The following ARSA variants were observed in gnomAD, a reference collection of about 807,000 sequenced individuals.
The protein encoded by ARSA is cerebroside-sulfatase.
ARSA carries 32 observed loss-of-function variants against 37.8 expected under a neutral mutation model. The ratio of observed to expected loss-of-function variants is 0.85; its 90% CI spans 0.64 to 1.14. The LOEUF is 1.14. ARSA is among the 50% of genes most tolerant of loss of function. The probability of loss-of-function intolerance (pLI) is 0.00; values close to 1 mark genes in which losing one functional copy is unlikely to be tolerated. For missense variants in ARSA, 685 were observed against 686.3 expected, an observed-to-expected ratio of 1.00 and a Z score of 0.02; for synonymous variants, 303 against 303.4, an observed-to-expected ratio of 1.00 and a Z score of 0.01.
At position 50,625,394 on chromosome 22, in the gene ARSA, G is replaced by A; in HGVS notation, c.1281C>T (p.Pro427=). 2 of 1,599,778 alleles carry A rather than the reference G, an allele frequency of 1.3e-6. No individual in the cohort carries two copies. The highest frequency in any genetic ancestry group is 1.7e-6 in the Non-Finnish European group (2 of 1,170,680). ...CCTTGGACAGGTCATAGAGCAGCGG[G>A]GGCTCATGAGCAGTCAGAGAGCTGG... ...HASSSLTAHE[P]PLLYDLSKDP... is the part of the protein sequence containing the mutation. Residue 427 remains proline, a synonymous_variant, in exon 8 of 8, where the codon CCC becomes CCT. Transcript: ENST00000216124.
chr22:50,627,105 C>T, intron 2 of ARSA, 53 bp from the exon 3 acceptor site: 1 of 1,593,312 alleles, frequency 6.3e-7, no homozygotes, highest in Non-Finnish European at 8.6e-7. Flanking sequence ...GCTGCGGGAG[C>T]ATCAAGGGCT....
chr22:50,626,306 A>T, intron 4 of ARSA, 28 bp from the exon 5 acceptor site: 1 of 1,606,574 alleles, frequency 6.2e-7, no homozygotes, highest in East Asian at 2.2e-5. Flanking sequence ...CTCATGAGCC[A>T]TGGAGCCACA....
In ARSA at chr22:50,628,014, T is replaced by C; in HGVS notation, c.-235A>G. On this transcript the variant is annotated 5_prime_UTR_variant, in exon 1 of 8. Transcript: ENST00000216124. ...ACCTTCAGATTCTCGAGCGGAGATC[T>C]GATCCTCCTCGCCTAGCGGTCCGGG... The C allele has an allele frequency of 3.6e-6, 2 of 557,792 alleles. No homozygotes were observed. The highest frequency in any genetic ancestry group is 1.9e-5 in the African/African-American group (1 of 52,866). The allele number at this position is 557,792 out of a possible 1,614,324, so 34.6% of individuals were successfully genotyped here. A position where few individuals can be genotyped will look rare whatever the true frequency, so the allele number is the denominator to read the frequency against.
In ARSA at chr22:50,626,885, C is replaced by T. The variant is rs773059458; in HGVS notation, c.633G>A (p.Met211Ile). 2.5e-6 allele frequency: 4 copies of T among 1,613,486 alleles called. No individual in the cohort carries two copies. The highest frequency in any genetic ancestry group is 3.4e-6 in the Non-Finnish European group (4 of 1,179,900). ...GGCGATCCTGGCGCTGGGCGTCGGC[C>T]ATGAGGTCATGGGCGAAAGCCATGT... ...ARYMAFAHDLMADAQRQDRPF... is the reference protein window; with the variant it reads ...ARYMAFAHDLIADAQRQDRPF... The change falls in exon 3 of 8, where the codon ATG (methionine) becomes ATA (isoleucine). Residue 211 changes from methionine (M) to isoleucine (I), a missense_variant. Physicochemically the swap from Met to Ile is conservative, Grantham distance 10 (BLOSUM62 1). Coordinates refer to ENST00000216124, the MANE Select transcript of ARSA (RefSeq NM_000487.6).
chr22:50,623,898 C>CAAAAAAAAAAAAAAAAAAAAAA lies in ARSA; in HGVS notation c.*1225_*1246dup, dbSNP rs131716. The CAAAAAAAAAAAAAAAAAAAAAA allele has an allele frequency of 1.4e-5, 2 of 141,748 alleles. No individual in the cohort carries two copies. Among genetic ancestry groups the CAAAAAAAAAAAAAAAAAAAAAA allele is most frequent in the African/African-American group, 2.6e-5 (1 of 37,982 alleles). The allele number at this position is 141,748 out of a possible 1,614,324, so 8.8% of individuals were successfully genotyped here. On this transcript the variant is annotated 3_prime_UTR_variant, in exon 8 of 8. Transcript: ENST00000216124. ...TGGGCGACAGAGCGAGACTCCGTCTCAAAAAAAAAAAAAAAAAAAAAAAAA... is the reference window on the plus strand; with the variant it reads ...TGGGCGACAGAGCGAGACTCCGTCTCAAAAAAAAAAAAAAAAAAAAAAAAAAAAAAAAAAAAAAAAAAAAAAA...
In ARSA at chr22:50,627,277, G is replaced by A; in HGVS notation, c.354C>T (p.Tyr118=). Residue 118 remains tyrosine, a synonymous_variant, in exon 2 of 8, where the codon TAC becomes TAT. Transcript: ENST00000216124. The part of the protein sequence containing the change: ...TVAEVLAARG[Y]LTGMAGKWHL... ...GCCACTTGCCGGCCATTCCTGTGAG[G>A]TAGCCTCGGGCAGCCAGGACTTCGG... 1.3e-6 allele frequency: 2 copies of A among 1,594,620 alleles called. No individual in the cohort carries two copies. The highest frequency in any genetic ancestry group is 1.7e-6 in the Non-Finnish European group (2 of 1,171,532).
At position 50,624,959 on chromosome 22, in the gene ARSA, C is replaced by T; in HGVS notation, c.*186G>A. Reference sequence around the variant, plus strand: ...CTGAACCTCTCTGCACCTCAGTTTCCTCATTCGTACCACAGGGGACCGGCA... The same window carrying T: ...CTGAACCTCTCTGCACCTCAGTTTCTTCATTCGTACCACAGGGGACCGGCA... On this transcript the variant is annotated 3_prime_UTR_variant, in exon 8 of 8. Coordinates refer to ENST00000216124, the MANE Select transcript of ARSA (RefSeq NM_000487.6). 1 of 713,658 alleles carries T rather than the reference C, an allele frequency of 1.4e-6. No individual in the cohort carries two copies. The highest frequency in any genetic ancestry group is 2.2e-6 in the Non-Finnish European group (1 of 451,284). 44.2% of individuals were successfully genotyped at this position (713,658 alleles called of 1,614,324 possible).
rs997955935 is a variant in ARSA at position 50,624,905 on chromosome 22, C to T, written c.*240G>A. On this transcript the variant is annotated 3_prime_UTR_variant, in exon 8 of 8. Coordinates refer to ENST00000216124, the MANE Select transcript of ARSA (RefSeq NM_000487.6). ...CAGGGTTCAAATCCCAGCCCAACCTCTTTCTGGCTGGGTGATCTTGTACAA... is the reference window on the plus strand; with the variant it reads ...CAGGGTTCAAATCCCAGCCCAACCTTTTTCTGGCTGGGTGATCTTGTACAA... 1.8e-6 allele frequency: 1 copy of T among 545,794 alleles called. No individual in the cohort carries two copies. The highest frequency in any genetic ancestry group is 2.8e-5 in the South Asian group (1 of 36,330). 33.8% of individuals were successfully genotyped at this position (545,794 alleles called of 1,614,324 possible).
chr22:50,625,225 C>T lies in ARSA; in HGVS notation c.1450G>A (p.Asp484Asn). 1 of 1,609,496 alleles carries T rather than the reference C, an allele frequency of 6.2e-7. No individual in the cohort carries two copies. Among genetic ancestry groups the T allele is most frequent in the Non-Finnish European group, 8.5e-7 (1 of 1,177,912 alleles). Reference protein sequence around the residue: ...FGPSQVARGEDPALQICCHPG... With the variant: ...FGPSQVARGENPALQICCHPG... ...TGACAGCAGATCTGCAGGGCGGGGT[C>T]CTCGCCCCGGGCCACCTGGCTGGGG... The change falls in exon 8 of 8, where the codon GAC (aspartate) becomes AAC (asparagine). Residue 484 changes from aspartate to asparagine, a missense_variant. By Grantham distance (23) the Asp-to-Asn change is conservative (BLOSUM62 1). Transcript: ENST00000216124.
intron 6 of ARSA, 31 bp from the exon 7 acceptor site, chr22:50,625,712 G>A (rs781350765): frequency 2.1e-5 from 33 of 1,604,060 alleles, no homozygotes; most frequent in African/African-American, 2.7e-5. Context: ...CACGGGGCGG[G>A]GCAGGCCCCA....
At position 50,622,851 on chromosome 22, in the gene ARSA, C is replaced by T. The variant is rs1273771722; in HGVS notation, c.*2294G>A. 3 of 152,224 alleles carry T rather than the reference C, an allele frequency of 2.0e-5. No homozygotes were observed. The highest frequency in any genetic ancestry group is 4.4e-5 in the Non-Finnish European group (3 of 68,092). 9.4% of individuals were successfully genotyped at this position (152,224 alleles called of 1,614,324 possible). ...GCAGCTGCCCAGTGTCCAATCAGGG[C>T]CTGTGACGGCTGCGCAAGGTCCTCA... On this transcript the variant is annotated 3_prime_UTR_variant, in exon 8 of 8. Coordinates refer to ENST00000216124, the MANE Select transcript of ARSA (RefSeq NM_000487.6).
rs199476354 is a variant in ARSA, at chr22:50,626,760, G to A, written c.685C>T (p.His229Tyr). 2.5e-6 allele frequency: 4 copies of A among 1,612,620 alleles called. No individual in the cohort carries two copies. The highest frequency in any genetic ancestry group is 3.4e-6 in the Non-Finnish European group (4 of 1,178,974). Reference protein sequence around the residue: ...RPFFLYYASHHTHYPQFSGQS... With the variant: ...RPFFLYYASHYTHYPQFSGQS... ...CCACTGAACTGAGGGTAGTGGGTGT[G>A]CTGGGGGCAAAGACTGGAGTTAGCA... The change falls in exon 4 of 8, where the codon CAC becomes TAC. Residue 229 changes from histidine (H) to tyrosine (Y), a missense_variant and splice_region_variant. Physicochemically the swap from His to Tyr is moderately conservative, Grantham distance 83 (BLOSUM62 2). Coordinates refer to ENST00000216124, the MANE Select transcript of ARSA (RefSeq NM_000487.6).
In ARSA at chr22:50,627,292, C is replaced by T. The variant is rs755790890; in HGVS notation, c.339G>A (p.Leu113=). 3 of 1,589,998 alleles carry T rather than the reference C, an allele frequency of 1.9e-6. No individual in the cohort carries two copies. Among genetic ancestry groups the T allele is most frequent in the African/African-American group, 2.7e-5 (2 of 74,508 alleles). ...TTCCTGTGAGGTAGCCTCGGGCAGC[C>T]AGGACTTCGGCCACGGTCACCTCCT... is the stretch of plus-strand genomic sequence containing the variant. The part of the protein sequence containing the change: ...PLEEVTVAEV[L]AARGYLTGMA... Residue 113 remains leucine, a synonymous_variant, in exon 2 of 8, where the codon CTG becomes CTA. Coordinates refer to ENST00000216124, the MANE Select transcript of ARSA (RefSeq NM_000487.6).
chr22:50,625,558 G>A (rs747030880), intron 7 of ARSA, 21 bp downstream of exon 7: 2 of 1,610,582 alleles, frequency 1.2e-6, no homozygotes, highest in South Asian at 2.2e-5. Flanking sequence ...TCGGGGGGAG[G>A]GATCCACGGG....
chr22:50,627,489 CCTGCAATCCATTGGG>C, intron 1 of ARSA, 52 bp downstream of exon 1: 3 of 1,587,850 alleles, frequency 1.9e-6, no homozygotes, highest in Non-Finnish European at 2.6e-6. Context: ...TTCCCGCCCC[CCTGCAATCCATTGGG>C]AGGAAAGGGA....
In ARSA at chr22:50,627,212, TG is replaced by T. The variant is rs745884435; in HGVS notation, c.418del (p.His140IlefsTer8). The T allele has an allele frequency of 1.9e-6, 3 of 1,612,168 alleles. No homozygotes were observed. Among genetic ancestry groups the T allele is most frequent in the Non-Finnish European group, 2.5e-6 (3 of 1,179,388 alleles). On this transcript the variant is annotated frameshift_variant, in exon 2 of 8. Coordinates refer to ENST00000216124, the MANE Select transcript of ARSA (RefSeq NM_000487.6). LOFTEE classifies it high-confidence loss of function. Reference sequence around the variant, plus strand: ...GCCTAGAAATCGATGGAAGCCCTGATGGGGGGGCAGGAAGGCCCCCTCAGGC... The same window carrying T: ...GCCTAGAAATCGATGGAAGCCCTGATGGGGGGCAGGAAGGCCCCCTCAGGC... ...VGPEGAFLPP[H>X]QGFHRFLGIP...
chr22:50,623,313 A>T lies in ARSA; in HGVS notation c.*1832T>A, dbSNP rs1392797332. 4 of 152,218 alleles carry T rather than the reference A, an allele frequency of 2.6e-5. No individual in the cohort carries two copies. Among genetic ancestry groups the T allele is most frequent in the Non-Finnish European group, 5.9e-5 (4 of 68,074 alleles). The allele number at this position is 152,218 out of a possible 1,614,324, so 9.4% of individuals were successfully genotyped here. ...AAGGGAACAGCCAGGCCACCCCCTA[A>T]GACTGGGGGGAAGGGGGTGTGGGTG... On this transcript the variant is annotated 3_prime_UTR_variant, in exon 8 of 8. Transcript: ENST00000216124.
rs74315459 is a variant in ARSA, at chr22:50,626,202, C to A, written c.931G>T (p.Gly311Cys). 1 of 1,611,886 alleles carries A rather than the reference C, an allele frequency of 6.2e-7. No homozygotes were observed. The highest frequency in any genetic ancestry group is 8.5e-7 in the Non-Finnish European group (1 of 1,179,408). ...RCGKGTTYEG[G>C]VREPALAFWP... ...AAGGCCAAGGCAGGCTCTCGGACAC[C>A]GCCCTCGTAGGTCGTTCCCTTTCCA... The change falls in exon 5 of 8, where the codon GGT (glycine) becomes TGT (cysteine). Residue 311 changes from glycine (G) to cysteine (C), a missense_variant. Transcript: ENST00000216124.
At chr22:50,626,345 G>T (rs2082668273) in intron 4 of ARSA, 67 bp from the exon 5 acceptor site, 2 of 1,589,632 alleles carry the variant, frequency 1.3e-6, no homozygotes, top group Admixed American at 1.8e-5. Flanking sequence ...GTGACCAGTG[G>T]CCCCACACCT....
Sources: gnomAD v4.1 joint callset for allele counts on GRCh38, gnomAD v4.1.1 for gene constraint, MANE v1.5 for transcripts, NCBI Gene and HGNC (gene_info 2026-07-23, HGNC 2026-07-21) for gene names.